The following ATOSA variants were observed in gnomAD, a reference collection of about 807,000 sequenced individuals.
The protein encoded by ATOSA is atos homolog A.
the ATOSA span, among the ~76,000 whole-genome samples, chr15:52,685,932 G>A: frequency 6.6e-6 from 1 of 152,144 alleles, no homozygotes; most frequent in Non-Finnish European, 1.5e-5. Context: ...TCGCTATGTT[G>A]TCCAGGCTGG....
chr15:52,679,816 C>A, the ATOSA span, among the ~76,000 whole-genome samples: 263 of 107,426 alleles, frequency 2.4e-3, no homozygotes, highest in Admixed American at 3.9e-3. Context: ...TCCTTCCCCC[C>A]CTCCTCCTCC....
At chr15:52,673,725 A>T in the ATOSA span, among the ~76,000 whole-genome samples, 1 of 152,226 alleles carries the variant, frequency 6.6e-6, no homozygotes, top group Non-Finnish European at 1.5e-5. Context: ...ATCAACTAAC[A>T]ATGAACTATT....
chr15:52,650,053 C>T, the ATOSA span, among the ~76,000 whole-genome samples: 1 of 152,052 alleles, frequency 6.6e-6, no homozygotes, highest in Non-Finnish European at 1.5e-5. Context: ...GGTAGCAAAT[C>T]AATTTAAACA....
the ATOSA span, among the ~76,000 whole-genome samples, chr15:52,646,835 T>C: frequency 3.3e-5 from 5 of 152,340 alleles, no homozygotes; most frequent in Non-Finnish European, 5.9e-5. Flanking sequence ...TACATAAATA[T>C]AGATGTGTTT....
chr15:52,696,863 T>C, the ATOSA span, among the ~76,000 whole-genome samples: 1 of 151,400 alleles, frequency 6.6e-6, no homozygotes, highest in Non-Finnish European at 1.5e-5. Context: ...AAATATATAA[T>C]ATTTAACCTA....
chr15:52,591,067 C>T, the ATOSA span, among the ~76,000 whole-genome samples: 16 of 152,144 alleles, frequency 1.1e-4, no homozygotes, highest in Non-Finnish European at 1.9e-4. Context: ...AAGATTAATG[C>T]TGTCTTGCTT....
the ATOSA span, among the ~76,000 whole-genome samples, chr15:52,612,890 T>G: frequency 6.6e-6 from 1 of 151,832 alleles, no homozygotes; most frequent in Non-Finnish European, 1.5e-5. Flanking sequence ...AAGCAAATTA[T>G]ATGCTACTAC....
At chr15:52,701,754 GTAAAAT>G in the ATOSA span, among the ~76,000 whole-genome samples, 1 of 152,100 alleles carries the variant, frequency 6.6e-6, no homozygotes, top group Non-Finnish European at 1.5e-5. Context: ...AACACTTTAA[GTAAAAT>G]TAACATACAA....
At chr15:52,652,767 T>C in the ATOSA span, among the ~76,000 whole-genome samples, 1 of 152,220 alleles carries the variant, frequency 6.6e-6, no homozygotes, top group Admixed American at 6.5e-5. Context: ...CAATGACGTT[T>C]AGCTTAAATT....
At chr15:52,619,559 T>A in the ATOSA span, among the ~76,000 whole-genome samples, 8 of 152,220 alleles carry the variant, frequency 5.3e-5, no homozygotes, top group South Asian at 2.1e-4. Context: ...ATAAATAAAT[T>A]ATTTGGCCAG....
the ATOSA span, among the ~76,000 whole-genome samples, chr15:52,667,156 A>G: frequency 3.3e-5 from 5 of 152,242 alleles, no homozygotes; most frequent in East Asian, 9.6e-4. Flanking sequence ...ATGTGTTATC[A>G]ATGGAATAAA....
chr15:52,613,330 CA>C, the ATOSA span, among the ~76,000 whole-genome samples: 1 of 152,242 alleles, frequency 6.6e-6, no homozygotes, highest in Admixed American at 6.5e-5. Flanking sequence ...CGCGCCACTG[CA>C]CTCCAGCCTG....
At chr15:52,647,874 C>A in the ATOSA span, among the ~76,000 whole-genome samples, 1 of 152,138 alleles carries the variant, frequency 6.6e-6, no homozygotes, top group East Asian at 1.9e-4. Context: ...TCTTTCCTTA[C>A]CACTATTGAC....
the ATOSA span, among the ~76,000 whole-genome samples, chr15:52,701,447 A>G: frequency 6.6e-6 from 1 of 152,252 alleles, no homozygotes; most frequent in African/African-American, 2.4e-5. Context: ...TCCAGTATAT[A>G]TATATGTAAA....
chr15:52,589,631 C>A, the ATOSA span, among the ~76,000 whole-genome samples: 3 of 151,794 alleles, frequency 2.0e-5, no homozygotes, highest in African/African-American at 7.3e-5. Flanking sequence ...GTAGCATTGG[C>A]AAGTTAGGAA....
chr15:52,697,839 G>T, the ATOSA span, among the ~76,000 whole-genome samples: 1 of 151,630 alleles, frequency 6.6e-6, no homozygotes, highest in Non-Finnish European at 1.5e-5. Flanking sequence ...AGCTCACGGG[G>T]GCTTTATATG....
At chr15:52,693,608 TAAAAAAATTA>T in the ATOSA span, among the ~76,000 whole-genome samples, 3 of 152,000 alleles carry the variant, frequency 2.0e-5, no homozygotes. Flanking sequence ...TAAATCTAAT[TAAAAAAATTA>T]AAGACCTGTG....
the ATOSA span, among the ~76,000 whole-genome samples, chr15:52,687,845 C>T: frequency 6.6e-6 from 1 of 152,196 alleles, no homozygotes; most frequent in Non-Finnish European, 1.5e-5. Context: ...GTATATGTCC[C>T]AGCTTTTTGT....
At chr15:52,615,984 T>C in the ATOSA span, among the ~76,000 whole-genome samples, 22 of 152,258 alleles carry the variant, frequency 1.4e-4, no homozygotes, top group Admixed American at 1.3e-3. Context: ...CTGGACAGTT[T>C]AGCTCCAGAA....
Sources: gnomAD v4.1 joint callset for allele counts (sites outside exome capture counted in the v4.1 genomes callset) on GRCh38, gnomAD v4.1.1 for gene constraint, MANE v1.5 for transcripts, NCBI Gene and HGNC (gene_info 2026-07-23, HGNC 2026-07-21) for gene names.